The following CSMD2 variants were observed in gnomAD, a reference collection of about 807,000 sequenced individuals.
CSMD2 encodes the protein CUB and Sushi multiple domains 2.
A neutral mutation model predicts 398.5 loss-of-function variants in CSMD2; 130 were observed. The ratio of observed to expected loss-of-function variants is 0.33; its 90% CI spans 0.28 to 0.38. The LOEUF (loss-of-function observed/expected upper bound fraction) is 0.38. Among genes scored for constraint, CSMD2 ranks in the 10% least tolerant of loss-of-function variants. CSMD2 has a pLI of 1.00. For missense variants in CSMD2, 3,829 were observed against 4,764.9 expected, an observed-to-expected ratio of 0.80 and a Z score of 5.78; for synonymous variants, 1,828 against 1,908.5, an observed-to-expected ratio of 0.96 and a Z score of 1.10.
chr1:33,891,613 G>A (rs1391626461), intron 5 of CSMD2, among the ~76,000 whole-genome samples: 4 of 151,672 alleles, frequency 2.6e-5, no homozygotes, highest in South Asian at 2.1e-4. Flanking sequence ...TGTTTATTGC[G>A]GCATTATTCA....
chr1:33,884,009 A>G (rs1641413602), intron 5 of CSMD2, among the ~76,000 whole-genome samples: 6 of 152,108 alleles, frequency 3.9e-5, no homozygotes, highest in Admixed American at 3.9e-4. Context: ...AGGAAGCTAG[A>G]GGGCCTCCCA....
chr1:33,617,504 G>C lies in CSMD2; in HGVS notation c.5941C>G (p.Leu1981Val). The part of the protein sequence containing the change: ...VSFQCEPGYA[L>V]QGHAHISCMP... ...TAGGGTGTCAGGGGAGGTACCTGGA[G>C]GGCATATCCCGGCTCACACTGGAAA... Residue 1981 changes from leucine to valine, a missense_variant, in exon 38 of 71, where the codon CTC (leucine) becomes GTC (valine). Around this residue, in one of 5 missense-constraint regions of CSMD2, gnomAD observed 2,001 missense variants for 2,567.1 expected, o/e 0.78. Coordinates refer to ENST00000373381, the MANE Select transcript of CSMD2 (RefSeq NM_001281956.2). The C allele has an allele frequency of 1.2e-6, 2 of 1,612,472 alleles. No individual in the cohort carries two copies. Among genetic ancestry groups the C allele is most frequent in the Non-Finnish European group, 1.7e-6 (2 of 1,178,544 alleles).
Position 33,818,138 on chromosome 1 carries a change from T to C in CSMD2, c.1324+1575A>G, listed in dbSNP as rs538582643. ...CCAGATCCCACCACTGCAAAAGGCA[T>C]TGTCATCCTGGCTTCTCAAAAGGAA... is the stretch of plus-strand genomic sequence containing the variant. On this transcript the variant is annotated intron_variant, in intron 9 of 70. Transcript: ENST00000373381. 4.6e-5 allele frequency among the ~76,000 whole-genome samples: 7 copies of C among 152,320 alleles called. No homozygotes were observed. The South Asian group carries it at 6.2e-4, about 14-fold the overall frequency.
chr1:33,914,965 T>G (rs1643648103), intron 5 of CSMD2, among the ~76,000 whole-genome samples: 1 of 152,264 alleles, frequency 6.6e-6, no homozygotes, highest in Non-Finnish European at 1.5e-5. Flanking sequence ...TTTGGAAATT[T>G]TACTAGTCCA....
rs1316215956 is a variant in CSMD2 at position 33,725,440 on chromosome 1, G to C, written c.2604C>G (p.Pro868=). 4.3e-6 allele frequency: 7 copies of C among 1,614,046 alleles called. No individual in the cohort carries two copies. Among genetic ancestry groups the C allele is most frequent in the Non-Finnish European group, 5.9e-6 (7 of 1,180,014 alleles). ...AGTTGCTGGTGCTGATGAGGAACTG[G>C]GGAACCTGGGTCCCGTGGTAAACCC... ...LIGVYHGTQV[P]QFLISTSNYL... The change falls in exon 17 of 71, where the codon CCC becomes CCG. Residue 868 remains proline, a synonymous_variant. Coordinates refer to ENST00000373381, the MANE Select transcript of CSMD2 (RefSeq NM_001281956.2).
intron 57 of CSMD2, among the ~76,000 whole-genome samples, chr1:33,545,249 C>A (rs1375887021): frequency 3.3e-5 from 5 of 152,158 alleles, no homozygotes; most frequent in Admixed American, 3.3e-4. Context: ...GATTTGGGGA[C>A]CAACTGCAAG....
intron 3 of CSMD2, among the ~76,000 whole-genome samples, chr1:33,962,513 C>A (rs567577524): frequency 7.2e-5 from 11 of 152,286 alleles, no homozygotes; most frequent in African/African-American, 2.6e-4. Flanking sequence ...TTACAAGGAA[C>A]CTTGAGGGAA....
chr1:34,089,244 G>T lies in CSMD2; in HGVS notation c.188-51C>A, dbSNP rs761392256. 1.8e-5 allele frequency: 27 copies of T among 1,531,562 alleles called. 1 individual carries two copies. In the South Asian group the frequency reaches 2.4e-4, roughly 14 times the overall value. The allele number at this position is 1,531,562 out of a possible 1,614,324, so 94.9% of individuals were successfully genotyped here. ...AGAATAGCCAGAATAACTCCTAGAA[G>T]CTTCTAGAGAGTCAGGAGCAATGTG... On this transcript the variant is annotated intron_variant, in intron 1 of 70. Coordinates refer to ENST00000373381, the MANE Select transcript of CSMD2 (RefSeq NM_001281956.2).
intron 6 of CSMD2, among the ~76,000 whole-genome samples, chr1:33,836,838 C>T (rs187786665): frequency 2.5e-4 from 38 of 152,310 alleles, no homozygotes; most frequent in South Asian, 2.5e-3. Flanking sequence ...CGCCCTGCTT[C>T]GGCTCAGGCT....
intron 57 of CSMD2, among the ~76,000 whole-genome samples, chr1:33,544,831 T>TTTTATATATATATATATATATA (rs1344119444): frequency 7.0e-6 from 1 of 141,984 alleles, no homozygotes; most frequent in Non-Finnish European, 1.5e-5. Flanking sequence ...CACTGTGCAT[T>TTTTATATATATATATATATATA]TATATATATA....
At chr1:33,638,866 T>C (rs1013638905) in intron 29 of CSMD2, among the ~76,000 whole-genome samples, 18 of 152,238 alleles carry the variant, frequency 1.2e-4, no homozygotes, top group Non-Finnish European at 5.9e-5. Context: ...CTGCAGTTAA[T>C]ACTCTCTCAT....
intron 1 of CSMD2, among the ~76,000 whole-genome samples, chr1:34,096,104 A>T (rs1571104268): frequency 6.6e-6 from 1 of 152,066 alleles, no homozygotes; most frequent in Non-Finnish European, 1.5e-5. Context: ...GGCTGGTTCA[A>T]TATACGCAAA....
At chr1:33,706,804 G>A (rs1048706029) in intron 22 of CSMD2, among the ~76,000 whole-genome samples, 10 of 151,546 alleles carry the variant, frequency 6.6e-5, no homozygotes, top group Admixed American at 2.0e-4. Flanking sequence ...GTGTGTGCGC[G>A]TGCATGTGTT....
intron 2 of CSMD2, among the ~76,000 whole-genome samples, chr1:34,059,298 C>T (rs527931173): frequency 6.6e-6 from 1 of 152,090 alleles, no homozygotes; most frequent in Non-Finnish European, 1.5e-5. Context: ...ACCCATGGGC[C>T]CTTCTTCTGT....
intron 25 of CSMD2, among the ~76,000 whole-genome samples, chr1:33,679,088 A>C (rs921459755): frequency 1.3e-5 from 2 of 151,900 alleles, no homozygotes; most frequent in Non-Finnish European, 2.9e-5. Flanking sequence ...TCTGCCCTGT[A>C]GGTGTCAGGG....
intron 5 of CSMD2, among the ~76,000 whole-genome samples, chr1:33,869,667 G>A (rs888212345): frequency 6.6e-6 from 1 of 152,200 alleles, no homozygotes; most frequent in African/African-American, 2.4e-5. Context: ...CCTGGTCCCA[G>A]GACCACAGAC....
At chr1:33,970,644 G>C (rs1044368176) in intron 3 of CSMD2, among the ~76,000 whole-genome samples, 7 of 152,204 alleles carry the variant, frequency 4.6e-5, no homozygotes, top group African/African-American at 1.7e-4. Flanking sequence ...CTTCCTCTGA[G>C]GCTCATCCCC....
intron 3 of CSMD2, among the ~76,000 whole-genome samples, chr1:33,992,873 T>G (rs1328446603): frequency 8.4e-6 from 1 of 118,524 alleles, no homozygotes; most frequent in Non-Finnish European, 1.6e-5. Flanking sequence ...TGAGACTCCA[T>G]CTCAAAAAAA....
intron 65 of CSMD2, among the ~76,000 whole-genome samples, chr1:33,525,280 C>T (rs1654671899): frequency 6.6e-6 from 1 of 152,006 alleles, no homozygotes; most frequent in African/African-American, 2.4e-5. Context: ...TCACAATGTC[C>T]AAGATAGGGA....
Sources: gnomAD v4.1 joint callset for allele counts (sites outside exome capture counted in the v4.1 genomes callset) on GRCh38, gnomAD v4.1.1 for gene constraint, gnomAD v4.1.1 regional missense constraint, MANE v1.5 for transcripts, NCBI Gene and HGNC (gene_info 2026-07-23, HGNC 2026-07-21) for gene names.